The following DGKB variants were observed in gnomAD, a reference collection of about 807,000 sequenced individuals.
DGKB encodes the protein 90 kDa diacylglycerol kinase.
In DGKB, 67 loss-of-function variants were observed where a neutral mutation model predicts 114.3. The observed-to-expected ratio is 0.59, with a 90% CI of 0.48 to 0.72. DGKB has a LOEUF of 0.72. Among genes scored for constraint, DGKB ranks in the 30% least tolerant of loss-of-function variants. The pLI is 0.00. For missense variants in DGKB, 907 were observed against 975.2 expected (o/e 0.93, Z 0.93); for synonymous variants, 398 against 323.1 (o/e 1.23, Z -2.49).
chr7:14,320,753 T>C (rs916675847), intron 23 of DGKB, among the ~76,000 whole-genome samples: 1 of 152,008 alleles, frequency 6.6e-6, no homozygotes, highest in African/African-American at 2.4e-5. Flanking sequence ...TTAGATAAAG[T>C]AGTTAGAGCC....
At chr7:14,192,065 G>T (rs1784394698) in intron 23 of DGKB, 1 of 438,764 alleles carries the variant, frequency 2.3e-6, no homozygotes, top group South Asian at 1.7e-5. Context: ...TAGTCGCTGT[G>T]GGTGTCATCA....
intron 9 of DGKB, 117 bp downstream of exon 9, chr7:14,693,958 A>G (rs1823365849): frequency 2.5e-6 from 3 of 1,187,986 alleles, no homozygotes; most frequent in Middle Eastern, 4.6e-4. Flanking sequence ...TAAAAGTTCC[A>G]GGCACTCACT....
chr7:14,167,622 G>C (rs978999574), intron 25 of DGKB, among the ~76,000 whole-genome samples: 7 of 152,192 alleles, frequency 4.6e-5, no homozygotes, highest in African/African-American at 1.7e-4. Context: ...CAAACATACT[G>C]ATGACTTTGA....
At chr7:14,759,634 C>A (rs1210952385) in intron 2 of DGKB, among the ~76,000 whole-genome samples, 1 of 152,136 alleles carries the variant, frequency 6.6e-6, no homozygotes, top group Admixed American at 6.5e-5. Flanking sequence ...AATGAATATA[C>A]TCCATTTAAT....
At chr7:14,376,997 C>T (rs1423248083) in intron 21 of DGKB, among the ~76,000 whole-genome samples, 3 of 152,176 alleles carry the variant, frequency 2.0e-5, no homozygotes, top group Non-Finnish European at 4.4e-5. Context: ...GTAACTTCAG[C>T]TAATTTCTTG....
chr7:14,948,006 C>A (rs1004891482), intron 1 of DGKB, among the ~76,000 whole-genome samples: 1 of 151,616 alleles, frequency 6.6e-6, no homozygotes, highest in Non-Finnish European at 1.5e-5. Flanking sequence ...CAACAGTTTA[C>A]GTGGTTGCTC....
At chr7:14,347,249 TC>T (rs1011978631) in intron 21 of DGKB, among the ~76,000 whole-genome samples, 1 of 151,954 alleles carries the variant, frequency 6.6e-6, no homozygotes, top group African/African-American at 2.4e-5. Flanking sequence ...AGATATCACC[TC>T]CTTTTTGTTA....
chr7:14,692,588 A>T (rs566017954), intron 9 of DGKB, among the ~76,000 whole-genome samples: 1 of 151,892 alleles, frequency 6.6e-6, no homozygotes, highest in Admixed American at 6.6e-5. Context: ...ATGGTATTAT[A>T]AAAAAATACT....
At chr7:14,636,965 A>T (rs1482391273) in intron 13 of DGKB, among the ~76,000 whole-genome samples, 1 of 151,954 alleles carries the variant, frequency 6.6e-6, no homozygotes, top group Non-Finnish European at 1.5e-5. Flanking sequence ...TAAATAATAC[A>T]TCATACCACA....
chr7:14,231,350 C>A (rs903816266), intron 23 of DGKB, among the ~76,000 whole-genome samples: 2 of 151,882 alleles, frequency 1.3e-5, no homozygotes, highest in African/African-American at 4.8e-5. Flanking sequence ...GTTGCCCAGG[C>A]TGGTCTGGAA....
chr7:14,216,725 CAAAAAAAAA>C (rs755191130), intron 23 of DGKB, among the ~76,000 whole-genome samples: 5 of 50,330 alleles, frequency 9.9e-5, no homozygotes, highest in African/African-American at 2.8e-4. Context: ...GACTCCGTCT[CAAAAAAAAA>C]AAAAAAAAAA....
intron 2 of DGKB, among the ~76,000 whole-genome samples, chr7:14,815,888 G>T (rs1246834538): frequency 6.6e-6 from 1 of 152,196 alleles, no homozygotes; most frequent in East Asian, 1.9e-4. Flanking sequence ...GGTACCAGGG[G>T]ATGGATAAAA....
At chr7:14,545,621 C>T (rs944286979) in intron 20 of DGKB, among the ~76,000 whole-genome samples, 20 of 152,158 alleles carry the variant, frequency 1.3e-4, no homozygotes, top group Non-Finnish European at 7.4e-5. Context: ...AATCAGCTTC[C>T]GCCACAAATC....
intron 23 of DGKB, among the ~76,000 whole-genome samples, chr7:14,184,353 A>G (rs939359098): frequency 6.6e-6 from 1 of 152,148 alleles, no homozygotes; most frequent in African/African-American, 2.4e-5. Flanking sequence ...GGGAAGAACC[A>G]AGACCTTTTC....
rs1017542808 is a variant in DGKB at position 14,954,508 on chromosome 7, T to C, written c.-188+20188A>G. 3.5e-3 allele frequency among the ~76,000 whole-genome samples: 525 copies of C among 152,050 alleles called. 2 individuals are homozygous for C. Among genetic ancestry groups the C allele is most frequent in the African/African-American group, 0.012 (502 of 41,498 alleles). On this transcript the variant is annotated intron_variant, in intron 1 of 4. Coordinates refer to the DGKB transcript ENST00000437998. ...CTTGATTTGCATTTTAAAAAATTAC[T>C]CCAGCCACTGAATTGAAAATAAACT...
chr7:14,203,969 C>A (rs1786339684), intron 23 of DGKB, among the ~76,000 whole-genome samples: 1 of 151,880 alleles, frequency 6.6e-6, no homozygotes, highest in South Asian at 2.1e-4. Context: ...CATCCCTATT[C>A]TCTCCTCCCC....
chr7:14,151,466 T>TA (rs1562478126), intron 25 of DGKB, among the ~76,000 whole-genome samples: 12 of 149,184 alleles, frequency 8.0e-5, no homozygotes, highest in South Asian at 4.2e-4. Flanking sequence ...TAAAAACTTT[T>TA]TAAAAAAAAA....
At chr7:14,687,100 A>G (rs1284022133) in intron 9 of DGKB, among the ~76,000 whole-genome samples, 3 of 152,112 alleles carry the variant, frequency 2.0e-5, no homozygotes, top group African/African-American at 7.2e-5. Flanking sequence ...ACAATCATCA[A>G]TTGGGTCCCA....
intron 20 of DGKB, among the ~76,000 whole-genome samples, chr7:14,552,451 A>C (rs1795232050): frequency 1.3e-5 from 2 of 152,166 alleles, no homozygotes; most frequent in Admixed American, 1.3e-4. Context: ...AAGCCCAGTA[A>C]GTGACCCATA....
Sources: gnomAD v4.1 joint callset for allele counts (sites outside exome capture counted in the v4.1 genomes callset) on GRCh38, gnomAD v4.1.1 for gene constraint, MANE v1.5 for transcripts, NCBI Gene and HGNC (gene_info 2026-07-23, HGNC 2026-07-21) for gene names.